MSH3: variants seen among roughly 807,000 people sequenced by gnomAD.
MSH3 encodes DNA mismatch repair protein Msh3.
Under a neutral mutation model 123.3 loss-of-function variants are expected in MSH3, and 106 were observed. That is an observed-to-expected ratio of 0.86 (90% CI 0.73 to 1.01). The LOEUF is 1.01. Among genes scored for constraint, MSH3 ranks in the 50% least tolerant of loss-of-function variants. The probability of loss-of-function intolerance (pLI) is 0.00; values close to 1 mark genes in which losing one functional copy is unlikely to be tolerated. For synonymous variants in MSH3, 515 were observed against 481.4 expected, an observed-to-expected ratio of 1.07 and a Z score of -0.91; for missense variants, 1,459 against 1,347.6, an observed-to-expected ratio of 1.08 and a Z score of -1.29.
At chr5:80,779,227 A>G (rs1744366032) in intron 17 of MSH3, among the ~76,000 whole-genome samples, 2 of 152,150 alleles carry the variant, frequency 1.3e-5, no homozygotes, top group South Asian at 2.1e-4. Flanking sequence ...TCCTGACCTC[A>G]AGTGATCCGC....
chr5:80,772,483 T>TAA (rs2112887726), intron 15 of MSH3, among the ~76,000 whole-genome samples: 1 of 152,084 alleles, frequency 6.6e-6, no homozygotes, highest in East Asian at 1.9e-4. Flanking sequence ...ATAGATTGAA[T>TAA]AACAATATCT....
intron 13 of MSH3, among the ~76,000 whole-genome samples, chr5:80,765,876 T>C (rs190623014): frequency 6.6e-6 from 1 of 152,328 alleles, no homozygotes; most frequent in African/African-American, 2.4e-5. Context: ...CATTCATGTC[T>C]GAAAGTGGTT....
At chr5:80,794,668 T>A (rs140991463) in intron 19 of MSH3, among the ~76,000 whole-genome samples, 75 of 152,276 alleles carry the variant, frequency 4.9e-4, no homozygotes, top group African/African-American at 1.7e-3. Context: ...GGAGAAGGTC[T>A]TTGGAGATGA....
intron 12 of MSH3, among the ~76,000 whole-genome samples, chr5:80,755,707 C>G (rs926071630): frequency 6.6e-6 from 1 of 152,098 alleles, no homozygotes; most frequent in South Asian, 2.1e-4. Context: ...TGCAGCTGCC[C>G]TCTGGGCTCC....
At chr5:80,756,920 A>G (rs1365936984) in intron 12 of MSH3, among the ~76,000 whole-genome samples, 1 of 152,200 alleles carries the variant, frequency 6.6e-6, no homozygotes, top group Admixed American at 6.5e-5. Context: ...TTATTTAGGT[A>G]GTTCATTTAG....
chr5:80,679,481 T>C (rs1184303372), intron 8 of MSH3, among the ~76,000 whole-genome samples: 1 of 152,214 alleles, frequency 6.6e-6, no homozygotes, highest in African/African-American at 2.4e-5. Context: ...TTGATAATTA[T>C]GGGGTTTATG....
intron 18 of MSH3, among the ~76,000 whole-genome samples, chr5:80,791,630 C>A (rs891805603): frequency 1.4e-4 from 21 of 152,192 alleles, no homozygotes; most frequent in Middle Eastern, 3.4e-3. Flanking sequence ...CCCTTATTCT[C>A]ATTTCTGTAA....
At chr5:80,705,246 G>A (rs1409924555) in intron 8 of MSH3, among the ~76,000 whole-genome samples, 1 of 152,046 alleles carries the variant, frequency 6.6e-6, no homozygotes, top group African/African-American at 2.4e-5. Context: ...CTTTCATGAA[G>A]CTGCCCTACA....
Position 80,875,911 on chromosome 5 carries a change from C to A in MSH3, c.*49C>A. ...AAAAATGGAGAATTAAAAATACCAA[C>A]TGTACAAAATAACTCTCCAGTAACA... On this transcript the variant is annotated 3_prime_UTR_variant, in exon 24 of 24. Coordinates refer to ENST00000265081, the MANE Select transcript of MSH3 (RefSeq NM_002439.5). 8.6e-7 allele frequency: 1 copy of A among 1,157,296 alleles called. No homozygotes were observed. The highest frequency in any genetic ancestry group is 1.3e-6 in the Non-Finnish European group (1 of 773,116). 71.7% of individuals were successfully genotyped at this position (1,157,296 alleles called of 1,614,324 possible).
intron 1 of MSH3, 123 bp downstream of exon 1, chr5:80,655,087 A>G (rs1045064661): frequency 1.7e-6 from 1 of 590,988 alleles, no homozygotes; most frequent in Non-Finnish European, 2.8e-6. Flanking sequence ...GGGCGGGCTG[A>G]AGAAGGGGAA....
chr5:80,662,624 C>T (rs926518866), intron 2 of MSH3, among the ~76,000 whole-genome samples: 2 of 151,912 alleles, frequency 1.3e-5, no homozygotes, highest in African/African-American at 2.4e-5. Flanking sequence ...TTCAGGAGTT[C>T]GAGACCAGCC....
chr5:80,823,220 T>C (rs182109187), intron 20 of MSH3, among the ~76,000 whole-genome samples: 2 of 152,350 alleles, frequency 1.3e-5, no homozygotes, highest in Admixed American at 1.3e-4. Flanking sequence ...ATTTTTCTTT[T>C]ACTTATGTAA....
rs112083525 is a variant in MSH3 at position 80,797,632 on chromosome 5, G to A, written c.2655+4788G>A. On this transcript the variant is annotated intron_variant, in intron 19 of 23. Coordinates refer to ENST00000265081, the MANE Select transcript of MSH3 (RefSeq NM_002439.5). Reference sequence around the variant, plus strand: ...TGCCAGAGGTTGCTCAGGTTGGGTCGTCTTGAACTGTTTCCCAAAACATAA... The same window carrying A: ...TGCCAGAGGTTGCTCAGGTTGGGTCATCTTGAACTGTTTCCCAAAACATAA... Among the ~76,000 whole-genome samples the A allele has an allele frequency of 3.6e-3, 550 of 152,322 alleles. 1 individual carries two copies. The highest frequency in any genetic ancestry group is 0.012 in the African/African-American group (517 of 41,570).
chr5:80,728,131 C>T (rs1362817257), intron 9 of MSH3, among the ~76,000 whole-genome samples: 1 of 152,114 alleles, frequency 6.6e-6, no homozygotes, highest in Non-Finnish European at 1.5e-5. Flanking sequence ...GCTTTGACCT[C>T]TACTCTTAAT....
In MSH3 at chr5:80,813,765, A is replaced by G. The variant is rs757870749; in HGVS notation, c.2813+24A>G. On this transcript the variant is annotated intron_variant, in intron 20 of 23. Coordinates refer to ENST00000265081, the MANE Select transcript of MSH3 (RefSeq NM_002439.5). Reference sequence around the variant, plus strand: ...AGGTAAGTACGTTAATTCAGCTTGCATATATTCTTGAAAATAAGTCAAGCC... The same window carrying G: ...AGGTAAGTACGTTAATTCAGCTTGCGTATATTCTTGAAAATAAGTCAAGCC... The G allele has an allele frequency of 1.1e-5, 18 of 1,613,152 alleles. No homozygotes were observed. Among genetic ancestry groups the G allele is most frequent in the Middle Eastern group, 1.6e-4 (1 of 6,084 alleles).
chr5:80,770,914 G>C (rs1262065773), intron 15 of MSH3, among the ~76,000 whole-genome samples: 1 of 152,138 alleles, frequency 6.6e-6, no homozygotes, highest in African/African-American at 2.4e-5. Flanking sequence ...TGGCATTGAG[G>C]TTTAAAAAGT....
At chr5:80,691,905 A>T (rs960301364) in intron 8 of MSH3, among the ~76,000 whole-genome samples, 1 of 132,458 alleles carries the variant, frequency 7.5e-6, no homozygotes, top group South Asian at 2.4e-4. Flanking sequence ...GTTTATATAG[A>T]TAAACATGTA....
Position 80,672,792 on chromosome 5 carries a change from A to G in MSH3, c.961A>G (p.Asn321Asp). The G allele has an allele frequency of 6.2e-7, 1 of 1,614,186 alleles. No homozygotes were observed. Among genetic ancestry groups the G allele is most frequent in the Middle Eastern group, 1.6e-4 (1 of 6,062 alleles). ...ETAALKAIGD[N>D]RSSLFSRKLT... ...TGCAGCATTAAAGGCCATTGGAGAC[A>G]ACAGAAGTTCACTCTTTTCCCGGAA... Residue 321 changes from asparagine (N) to aspartate (D), a missense_variant, in exon 6 of 24, where the codon AAC becomes GAC. Asn to Asp is a conservative substitution (Grantham distance 23). Transcript: ENST00000265081.
chr5:80,727,862 C>A (rs1157029451), intron 9 of MSH3, among the ~76,000 whole-genome samples: 2 of 151,846 alleles, frequency 1.3e-5, no homozygotes, highest in Non-Finnish European at 2.9e-5. Flanking sequence ...AAAGGAAGGC[C>A]TCACTGAGAA....
Sources: allele counts gnomAD v4.1 joint callset (sites outside exome capture counted in the v4.1 genomes callset), GRCh38; gene constraint gnomAD v4.1.1; transcripts MANE v1.5; gene names NCBI Gene and HGNC (gene_info 2026-07-23, HGNC 2026-07-21).